The following UTRN variants were observed in gnomAD, a reference collection of about 807,000 sequenced individuals.
UTRN encodes utrophin.
A neutral mutation model predicts 463.9 loss-of-function variants in UTRN; 283 were observed. The observed-to-expected ratio is 0.61, with a 90% CI of 0.55 to 0.67. The LOEUF (loss-of-function observed/expected upper bound fraction) is 0.67, where lower values mean the gene tolerates loss of function less well. Among genes scored for constraint, UTRN ranks in the 30% least tolerant of loss-of-function variants. The pLI is 0.00. For synonymous variants in UTRN, 1,442 were observed against 1,431.5 expected, an observed-to-expected ratio of 1.01 and a Z score of -0.17; for missense variants, 3,922 against 4,084.3, an observed-to-expected ratio of 0.96 and a Z score of 1.08.
At chr6:144,540,858 A>C (rs563700781) in intron 45 of UTRN, among the ~76,000 whole-genome samples, 7 of 152,364 alleles carry the variant, frequency 4.6e-5, no homozygotes, top group African/African-American at 1.7e-4. Flanking sequence ...GCTATGTGTG[A>C]TAAGGCAAAT....
rs1792736404 is a variant in UTRN, at chr6:144,488,803, T to C, written c.4103T>C (p.Ile1368Thr). 6.2e-7 allele frequency: 1 copy of C among 1,603,780 alleles called. No individual in the cohort carries two copies. The highest frequency in any genetic ancestry group is 1.3e-5 in the African/African-American group (1 of 74,594). The change falls in exon 30 of 75, where the codon ATA becomes ACA. Residue 1368 changes from isoleucine to threonine, a missense_variant. Physicochemically the swap from Ile to Thr is moderately conservative, Grantham distance 89. Around this residue, in one of 3 missense-constraint regions of UTRN, gnomAD observed 2,349 missense variants for 2,303.8 expected, o/e 1.02. Transcript: ENST00000367545. ...CTCACCACATACCTGACTGACAGGA[T>C]AGATGCTTTCCAAGTTCCACAGGAA... Reference protein sequence around the residue: ...KQLTTYLTDRIDAFQVPQEAQ... With the variant: ...KQLTTYLTDRTDAFQVPQEAQ...
chr6:144,430,140 A>G (rs542635580), intron 9 of UTRN, among the ~76,000 whole-genome samples: 103 of 152,218 alleles, frequency 6.8e-4, no homozygotes, highest in African/African-American at 2.4e-3. Flanking sequence ...CCATTGAGAA[A>G]AGATTTTTTT....
chr6:144,350,024 G>A (rs1348208942), intron 2 of UTRN, among the ~76,000 whole-genome samples: 6 of 152,128 alleles, frequency 3.9e-5, no homozygotes, highest in Non-Finnish European at 8.8e-5. Flanking sequence ...TTCTACCATT[G>A]TGCTAAAGTG....
rs1183825191 is a variant in UTRN, at chr6:144,852,495, A to C, written c.*1498A>C. On this transcript the variant is annotated 3_prime_UTR_variant, in exon 75 of 75. Coordinates refer to ENST00000367545, the MANE Select transcript of UTRN (RefSeq NM_007124.3). ...AGTTAGAAATTGCTATTATTTTAGAATAGGTTGGGTGGGTTGGGGGGCAAG... is the reference window on the plus strand; with the variant it reads ...AGTTAGAAATTGCTATTATTTTAGACTAGGTTGGGTGGGTTGGGGGGCAAG... The C allele has an allele frequency of 6.6e-6, 1 of 152,566 alleles. No homozygotes were observed. Among genetic ancestry groups the C allele is most frequent in the Non-Finnish European group, 1.5e-5 (1 of 68,022 alleles). The allele number at this position is 152,566 out of a possible 1,614,324, so 9.5% of individuals were successfully genotyped here. A position where few individuals can be genotyped will look rare whatever the true frequency, so the allele number is the denominator to read the frequency against.
At chr6:144,384,905 C>A (rs1435532699) in intron 2 of UTRN, among the ~76,000 whole-genome samples, 2 of 152,096 alleles carry the variant, frequency 1.3e-5, no homozygotes, top group Non-Finnish European at 2.9e-5. Flanking sequence ...GCTTTCAGTT[C>A]TTCTGGTTAT....
intron 58 of UTRN, among the ~76,000 whole-genome samples, chr6:144,759,983 T>C (rs952108086): frequency 6.6e-6 from 1 of 152,188 alleles, no homozygotes; most frequent in Non-Finnish European, 1.5e-5. Flanking sequence ...AAATGCAAAC[T>C]GGATCTAGTT....
chr6:144,582,413 A>G (rs1585388388), intron 51 of UTRN, among the ~76,000 whole-genome samples: 1 of 152,232 alleles, frequency 6.6e-6, no homozygotes, highest in East Asian at 1.9e-4. Context: ...ACTTTACCCC[A>G]GTTGATATTT....
chr6:144,765,650 G>A (rs1793218001), intron 58 of UTRN, among the ~76,000 whole-genome samples: 1 of 152,150 alleles, frequency 6.6e-6, no homozygotes, highest in African/African-American at 2.4e-5. Context: ...ACCTGAAGCA[G>A]TCCTCCTGCT....
intron 52 of UTRN, among the ~76,000 whole-genome samples, chr6:144,691,703 T>A: frequency 6.6e-6 from 1 of 152,178 alleles, no homozygotes; most frequent in East Asian, 1.9e-4. Flanking sequence ...CTATCCCTTG[T>A]CTTTAATCTT....
At chr6:144,663,033 A>G (rs187026998) in intron 51 of UTRN, among the ~76,000 whole-genome samples, 1 of 152,234 alleles carries the variant, frequency 6.6e-6, no homozygotes, top group Admixed American at 6.5e-5. Context: ...GCAATTTCTT[A>G]CATTGGGTAC....
At chr6:144,552,190 TC>T (rs879714919) in intron 48 of UTRN, among the ~76,000 whole-genome samples, 42 of 152,332 alleles carry the variant, frequency 2.8e-4, no homozygotes, top group Non-Finnish European at 5.1e-4. Flanking sequence ...TCAGCTACTC[TC>T]CCTGTAAAAA....
chr6:144,766,598 A>G (rs943543614), intron 58 of UTRN, among the ~76,000 whole-genome samples: 3 of 152,012 alleles, frequency 2.0e-5, no homozygotes, highest in African/African-American at 7.2e-5. Flanking sequence ...ACTTGGCACC[A>G]TGGAGTTCAT....
chr6:144,467,560 A>G (rs1490786147), intron 23 of UTRN, among the ~76,000 whole-genome samples: 1 of 152,108 alleles, frequency 6.6e-6, no homozygotes, highest in Non-Finnish European at 1.5e-5. Context: ...CTCTTCCTTC[A>G]ACTGTTGAAC....
chr6:144,416,989 T>C (rs758397882), intron 3 of UTRN, among the ~76,000 whole-genome samples: 5 of 152,238 alleles, frequency 3.3e-5, no homozygotes, highest in Admixed American at 6.5e-5. Flanking sequence ...AGAGGTTAAC[T>C]GTCAGGATGA....
chr6:144,807,042 A>G (rs1042842161), intron 65 of UTRN, among the ~76,000 whole-genome samples: 1 of 152,130 alleles, frequency 6.6e-6, no homozygotes, highest in African/African-American at 2.4e-5. Context: ...TGTTTGGTAC[A>G]GTGATAATAA....
Position 144,437,356 on chromosome 6 carries a change from T to G in UTRN, c.1060-209T>G, listed in dbSNP as rs148182421. ...ATTATCAGATGCATCATTGCTTGCT[T>G]TGAGCTATTTCTCTTTTAACTTATG... On this transcript the variant is annotated intron_variant, in intron 10 of 74. Coordinates refer to ENST00000367545, the MANE Select transcript of UTRN (RefSeq NM_007124.3). Among the ~76,000 whole-genome samples, 683 of 152,358 alleles carry G rather than the reference T, an allele frequency of 4.5e-3. 1 individual carries two copies. Among genetic ancestry groups the G allele is most frequent in the Non-Finnish European group, 7.8e-3 (534 of 68,032 alleles).
chr6:144,613,740 A>G (rs1805771083), intron 51 of UTRN, among the ~76,000 whole-genome samples: 1 of 152,004 alleles, frequency 6.6e-6, no homozygotes, highest in African/African-American at 2.4e-5. Context: ...TTGTGTACTT[A>G]AAATTTTATT....
At position 144,447,307 on chromosome 6, in the gene UTRN, C is replaced by T. The variant is rs764291295; in HGVS notation, c.1711C>T (p.Arg571Ter). ...KDQKELSVSV[R>*]RLAILKEDME... ...CCAAAAGGAACTAAGTGTCAGTGTT[C>T]GACGTCTGGCTGTAAGTGATGGGGT... is the stretch of plus-strand genomic sequence containing the variant. The change falls in exon 15 of 75, where the codon CGA becomes TGA. Residue 571 changes from arginine (R) to a stop codon, truncating the protein, a stop_gained. Transcript: ENST00000367545. LOFTEE classifies it high-confidence loss of function. 5 of 1,612,992 alleles carry T rather than the reference C, an allele frequency of 3.1e-6. No individual in the cohort carries two copies. The highest frequency in any genetic ancestry group is 2.2e-5 in the East Asian group (1 of 44,812).
chr6:144,657,214 C>G (rs1779402845), intron 51 of UTRN, among the ~76,000 whole-genome samples: 1 of 140,670 alleles, frequency 7.1e-6, no homozygotes, highest in African/African-American at 2.6e-5. Context: ...CGCGCCATTG[C>G]ACTCCAGCCT....
Sources: gnomAD v4.1 joint callset for allele counts (sites outside exome capture counted in the v4.1 genomes callset) on GRCh38, gnomAD v4.1.1 for gene constraint, gnomAD v4.1.1 regional missense constraint, MANE v1.5 for transcripts, NCBI Gene and HGNC (gene_info 2026-07-23, HGNC 2026-07-21) for gene names.